The following IGF1 variants were observed in gnomAD, a reference collection of about 807,000 sequenced individuals.
The protein encoded by IGF1 is insulin-like growth factor 1.
Under a neutral mutation model 13.8 loss-of-function variants are expected in IGF1, and 4 were observed. The observed-to-expected ratio is 0.29, with a 90% CI of 0.14 to 0.66. The LOEUF (loss-of-function observed/expected upper bound fraction) is 0.66, where lower values mean the gene tolerates loss of function less well. IGF1 is among the 30% of genes least tolerant of loss of function. The pLI, the probability that IGF1 is intolerant of heterozygous loss-of-function variation, is 0.78. For missense variants in IGF1, 124 were observed against 188.5 expected, an observed-to-expected ratio of 0.66 and a Z score of 2.00; for synonymous variants, 76 against 72.6, an observed-to-expected ratio of 1.05 and a Z score of -0.23.
chr12:102,407,283 T>C (rs960181130), intron 3 of IGF1, among the ~76,000 whole-genome samples: 7 of 152,126 alleles, frequency 4.6e-5, no homozygotes, highest in African/African-American at 1.7e-4. Flanking sequence ...ACGTACAAGC[T>C]GAAGCTCGCT....
At chr12:102,444,462 G>A (rs1332822400) in intron 2 of IGF1, among the ~76,000 whole-genome samples, 1 of 151,734 alleles carries the variant, frequency 6.6e-6, no homozygotes, top group African/African-American at 2.4e-5. Flanking sequence ...AACTTCATGG[G>A]CAAAAAGGGG....
At chr12:102,447,192 G>A (rs927560245) in intron 2 of IGF1, among the ~76,000 whole-genome samples, 5 of 152,174 alleles carry the variant, frequency 3.3e-5, no homozygotes, top group Admixed American at 6.5e-5. Flanking sequence ...TGAGAAGAGT[G>A]TATATTCTGT....
intron 2 of IGF1, among the ~76,000 whole-genome samples, chr12:102,441,953 T>TTCTTCTTCTTCTTCTTCTTCTTCTTCC (rs1555244154): frequency 7.1e-6 from 1 of 140,222 alleles, no homozygotes; most frequent in Non-Finnish European, 1.6e-5. Flanking sequence ...CTTCTTCTTC[T>TTCTTCTTCTTCTTCTTCTTCTTCTTCC]TCTTTTTTTT....
intron 2 of IGF1, among the ~76,000 whole-genome samples, chr12:102,450,505 C>T (rs1878825094): frequency 1.3e-5 from 2 of 152,204 alleles, no homozygotes; most frequent in South Asian, 4.1e-4. Context: ...GGACTAAATT[C>T]GACTTGATAA....
rs1873229660 is a variant in IGF1 at position 102,396,837 on chromosome 12, G to A, written c.*5670C>T. The stretch of plus-strand genomic sequence containing the variant: ...AGCTTGGATTTTTTTCCCCTTGAAA[G>A]ACCCCATCAAAGATAGTTGAAGAAT... On this transcript the variant is annotated 3_prime_UTR_variant, in exon 4 of 4. Coordinates refer to ENST00000337514, the MANE Select transcript of IGF1 (RefSeq NM_000618.5). 5.0e-6 allele frequency: 2 copies of A among 396,272 alleles called. No individual in the cohort carries two copies. The highest frequency in any genetic ancestry group is 7.1e-5 in the East Asian group (2 of 28,006). The allele number at this position is 396,272 out of a possible 1,614,324, so 24.5% of individuals were successfully genotyped here.
chr12:102,421,602 GAAA>G (rs1875727129), intron 2 of IGF1, among the ~76,000 whole-genome samples: 1 of 152,122 alleles, frequency 6.6e-6, no homozygotes, highest in African/African-American at 2.4e-5. Context: ...GCCCTTTGTT[GAAA>G]CTATAAATTT....
At chr12:102,454,671 T>C (rs576892714) in intron 2 of IGF1, among the ~76,000 whole-genome samples, 3 of 152,218 alleles carry the variant, frequency 2.0e-5, no homozygotes, top group Non-Finnish European at 4.4e-5. Context: ...AAATTGTTCA[T>C]AGATTGAGCC....
chr12:102,477,997 C>CTTTTTTT (rs66470486), intron 1 of IGF1, among the ~76,000 whole-genome samples: 1 of 127,502 alleles, frequency 7.8e-6, no homozygotes, highest in Non-Finnish European at 1.7e-5. Context: ...TTCTCTTTTT[C>CTTTTTTT]TTTTTTTTTT....
intron 2 of IGF1, among the ~76,000 whole-genome samples, chr12:102,431,711 C>T (rs777260101): frequency 6.6e-6 from 1 of 152,116 alleles, no homozygotes; most frequent in Non-Finnish European, 1.5e-5. Flanking sequence ...GCACATGATG[C>T]TAATATCAAT....
intron 2 of IGF1, among the ~76,000 whole-genome samples, chr12:102,459,266 G>T (rs918683748): frequency 6.6e-6 from 1 of 152,164 alleles, no homozygotes; most frequent in African/African-American, 2.4e-5. Flanking sequence ...GGGGAGTTTG[G>T]ACTCACTCAA....
chr12:102,458,730 C>CAAAAAAA lies in IGF1; in HGVS notation c.220+16906_220+16912dup, dbSNP rs397825972. Among the ~76,000 whole-genome samples, 33 of 73,426 alleles carry CAAAAAAA rather than the reference C, an allele frequency of 4.5e-4. 7 individuals carry two copies. The highest frequency in any genetic ancestry group is 0.023 in the Middle Eastern group (2 of 86). 48.2% of individuals were successfully genotyped at this position (73,426 alleles called of 152,430 possible). A position where few individuals can be genotyped will look rare whatever the true frequency, so the allele number is the denominator to read the frequency against. On this transcript the variant is annotated intron_variant, in intron 2 of 3. Transcript: ENST00000337514. ...TTAAGCAGATGGTAGGAACACTGACCAAAAAAAAAAAAAAAAACCAAAAAC... is the reference window on the plus strand; with the variant it reads ...TTAAGCAGATGGTAGGAACACTGACCAAAAAAAAAAAAAAAAAAAAAAAACCAAAAAC...
In IGF1 at chr12:102,396,788, C is replaced by CT. The variant is rs200146786; in HGVS notation, c.*5718dup. ...AGTAACATTTGGTTTTGTGTCCTCT[C>CT]TTTTTTTTTTTTTACTTTAAAAAAG... is the stretch of plus-strand genomic sequence containing the variant. On this transcript the variant is annotated 3_prime_UTR_variant, in exon 4 of 4. Transcript: ENST00000337514. 17,363 of 374,716 alleles carry CT rather than the reference C, an allele frequency of 0.046. 363 individuals are homozygous for CT. Among genetic ancestry groups the CT allele is most frequent in the East Asian group, 0.23 (6,238 of 26,642 alleles). 23.2% of individuals were successfully genotyped at this position (374,716 alleles called of 1,614,324 possible). A position where few individuals can be genotyped will look rare whatever the true frequency, so the allele number is the denominator to read the frequency against.
chr12:102,449,323 C>T (rs2137137994), intron 2 of IGF1, among the ~76,000 whole-genome samples: 1 of 150,868 alleles, frequency 6.6e-6, no homozygotes, highest in East Asian at 2.0e-4. Flanking sequence ...CATTTTCTCA[C>T]TCATAAGTGT....
In IGF1 at chr12:102,425,908, G is replaced by C. The variant is rs1208389532; in HGVS notation, c.221-6218C>G. Among the ~76,000 whole-genome samples, 4 of 152,270 alleles carry C rather than the reference G, an allele frequency of 2.6e-5. No homozygotes were observed. In the South Asian group the frequency reaches 8.3e-4, roughly 32 times the overall value. ...ATGTAGCCAACAAAATTATACTTTG[G>C]CAAGAGAAATGCTTTGCTGGACAGA... On this transcript the variant is annotated intron_variant, in intron 2 of 3. Transcript: ENST00000337514.
chr12:102,458,182 T>C (rs1470106081), intron 2 of IGF1, among the ~76,000 whole-genome samples: 1 of 152,162 alleles, frequency 6.6e-6, no homozygotes, highest in Non-Finnish European at 1.5e-5. Flanking sequence ...CTTTAGAAAT[T>C]GACACTTTTG....
intron 2 of IGF1, among the ~76,000 whole-genome samples, chr12:102,438,317 C>G (rs1030419932): frequency 6.6e-6 from 1 of 152,160 alleles, no homozygotes; most frequent in African/African-American, 2.4e-5. Flanking sequence ...ATCCCAAATG[C>G]CAAATCCTAT....
intron 2 of IGF1, among the ~76,000 whole-genome samples, chr12:102,442,768 G>A (rs1034481780): frequency 5.9e-5 from 9 of 152,080 alleles, no homozygotes; most frequent in Non-Finnish European, 8.8e-5. Flanking sequence ...AAATATGGCC[G>A]CCAGGAACTT....
chr12:102,441,952 C>CTTCTTCTTCTTCTTCTTCTTCTTCTTCT (rs1565984911), intron 2 of IGF1, among the ~76,000 whole-genome samples: 1 of 140,942 alleles, frequency 7.1e-6, no homozygotes, highest in Non-Finnish European at 1.6e-5. Context: ...TCTTCTTCTT[C>CTTCTTCTTCTTCTTCTTCTTCTTCTTCT]TTCTTTTTTT....
At chr12:102,423,629 A>G (rs1023580518) in intron 2 of IGF1, among the ~76,000 whole-genome samples, 2 of 152,136 alleles carry the variant, frequency 1.3e-5, no homozygotes, top group African/African-American at 4.8e-5. Flanking sequence ...CAGAATTCCA[A>G]TGGTTAAACA....
Sources: allele counts gnomAD v4.1 joint callset (sites outside exome capture counted in the v4.1 genomes callset), GRCh38; gene constraint gnomAD v4.1.1; transcripts MANE v1.5; gene names NCBI Gene and HGNC (gene_info 2026-07-23, HGNC 2026-07-21).